Variants in NAALADL2 observed in about 807,000 individuals in gnomAD.
NAALADL2 encodes inactive N-acetylated-alpha-linked acidic dipeptidase-like protein 2.
In NAALADL2, 76 loss-of-function variants were observed where a neutral mutation model predicts 87.2. The observed-to-expected ratio is 0.87, with a 90% confidence interval of 0.72 to 1.05. The LOEUF (loss-of-function observed/expected upper bound fraction) is 1.05. Among genes scored for constraint, NAALADL2 ranks in the 50% least tolerant of loss-of-function variants. The probability of loss-of-function intolerance (pLI) is 0.00; values close to 1 mark genes in which losing one functional copy is unlikely to be tolerated. For missense variants in NAALADL2, 1,089 were observed against 945.8 expected (o/e 1.15, Z -1.99); for synonymous variants, 354 against 331.0 (o/e 1.07, Z -0.75).
intron 3 of NAALADL2, among the ~76,000 whole-genome samples, chr3:174,796,399 C>T (rs1047329954): frequency 2.0e-5 from 3 of 152,044 alleles, no homozygotes; most frequent in Non-Finnish European, 4.4e-5. Flanking sequence ...TCTGAGTCTC[C>T]AGTGCCTATG....
At chr3:175,360,161 T>C (rs1353157823) in intron 5 of NAALADL2, among the ~76,000 whole-genome samples, 1 of 152,158 alleles carries the variant, frequency 6.6e-6, no homozygotes, top group African/African-American at 2.4e-5. Flanking sequence ...TGTATGACTA[T>C]GTAAAGCATT....
At chr3:175,281,399 A>G (rs552226621) in intron 4 of NAALADL2, among the ~76,000 whole-genome samples, 2 of 151,922 alleles carry the variant, frequency 1.3e-5, no homozygotes, top group South Asian at 2.1e-4. Flanking sequence ...TCACTTTTTC[A>G]TATCATTCGT....
At chr3:175,667,141 A>AAGAG (rs370119641) in intron 11 of NAALADL2, among the ~76,000 whole-genome samples, 2,670 of 146,264 alleles carry the variant, frequency 0.018, 117 homozygotes, top group African/African-American at 0.067. Flanking sequence ...GAAAGAAAGA[A>AAGAG]AGAGAGAGAG....
At chr3:175,115,197 T>C (rs1160689464) in intron 2 of NAALADL2, 1 of 151,666 alleles carries the variant, frequency 6.6e-6, no homozygotes, top group Non-Finnish European at 1.5e-5. Context: ...CTCCTAGATA[T>C]ATAATTTTTG....
chr3:175,675,216 A>C (rs1173651808), intron 11 of NAALADL2: 1 of 152,194 alleles, frequency 6.6e-6, no homozygotes, highest in African/African-American at 2.4e-5. Context: ...TATCATTACC[A>C]TTCCGGTAAG....
At chr3:174,950,261 G>C (rs1035663006) in intron 1 of NAALADL2, among the ~76,000 whole-genome samples, 1 of 151,878 alleles carries the variant, frequency 6.6e-6, no homozygotes, top group Non-Finnish European at 1.5e-5. Flanking sequence ...TGAATTGAGA[G>C]TAGGGAGTAG....
chr3:174,872,733 TACACACAC>T (rs140990241), intron 1 of NAALADL2, among the ~76,000 whole-genome samples: 1 of 148,434 alleles, frequency 6.7e-6, no homozygotes, highest in Non-Finnish European at 1.5e-5. Flanking sequence ...CACACACACA[TACACACAC>T]ACACACACAC....
chr3:175,436,386 A>C lies in NAALADL2; in HGVS notation c.1091-10843A>C, dbSNP rs987806570. Among the ~76,000 whole-genome samples the C allele has an allele frequency of 2.7e-4, 40 of 149,112 alleles. 4 individuals carry two copies. Among genetic ancestry groups the C allele is most frequent in the Admixed American group, 1.2e-3 (18 of 14,664 alleles). Reference sequence around the variant, plus strand: ...TACCCACTAATGGGATGGCTGGGTCAAATGGTATTTCTAGTTCTAGATCCC... The same window carrying C: ...TACCCACTAATGGGATGGCTGGGTCCAATGGTATTTCTAGTTCTAGATCCC... On this transcript the variant is annotated intron_variant, in intron 5 of 13. Transcript: ENST00000454872.
At chr3:175,705,558 A>G (rs1027225376) in intron 11 of NAALADL2, among the ~76,000 whole-genome samples, 20 of 152,160 alleles carry the variant, frequency 1.3e-4, no homozygotes, top group African/African-American at 4.3e-4. Context: ...GAAGAAGAAA[A>G]AAAAAAAACT....
chr3:175,413,525 G>T (rs1296984037), intron 5 of NAALADL2, among the ~76,000 whole-genome samples: 1 of 140,240 alleles, frequency 7.1e-6, no homozygotes, highest in African/African-American at 2.7e-5. Context: ...AGCTGAGATT[G>T]CGCCAAAGCA....
chr3:174,488,843 G>T (rs1374776249), intron 1 of NAALADL2, among the ~76,000 whole-genome samples: 8 of 151,738 alleles, frequency 5.3e-5, no homozygotes, highest in Admixed American at 3.9e-4. Context: ...CTAACCTTTG[G>T]AAGCTACTCC....
chr3:174,871,887 A>C lies in NAALADL2; in HGVS notation c.43+12437A>C, dbSNP rs1303451397. Among the ~76,000 whole-genome samples, 7 of 151,204 alleles carry C rather than the reference A, an allele frequency of 4.6e-5. No homozygotes were observed. In the East Asian group the frequency reaches 7.7e-4, roughly 17 times the overall value. On this transcript the variant is annotated intron_variant, in intron 1 of 13. Transcript: ENST00000454872. ...GTACTCCAGCCGGGGTGACAGAACC[A>C]GACTCTGTTTCAAAATAAATAAATA...
intron 9 of NAALADL2, among the ~76,000 whole-genome samples, chr3:175,549,270 A>C (rs150393274): frequency 3.9e-4 from 59 of 152,134 alleles, no homozygotes; most frequent in African/African-American, 1.2e-3. Context: ...AATGGAAACC[A>C]AAAAAATTGG....
chr3:174,763,284 G>A (rs1321804566), intron 3 of NAALADL2, among the ~76,000 whole-genome samples: 1 of 151,830 alleles, frequency 6.6e-6, no homozygotes, highest in Non-Finnish European at 1.5e-5. Flanking sequence ...TACTGAAGAA[G>A]ATTATTCAGA....
intron 1 of NAALADL2, among the ~76,000 whole-genome samples, chr3:174,985,191 A>T (rs879656134): frequency 6.6e-6 from 1 of 152,224 alleles, no homozygotes; most frequent in Non-Finnish European, 1.5e-5. Flanking sequence ...ATGCTAAATA[A>T]TATTATGAGA....
intron 2 of NAALADL2, among the ~76,000 whole-genome samples, chr3:174,625,057 CT>C (rs1553802468): frequency 0.01 from 810 of 78,850 alleles, 8 homozygotes; most frequent in African/African-American, 0.034. Flanking sequence ...CTCTCTCTCT[CT>C]TTTTTTTTTT....
chr3:174,883,751 A>G (rs1729719191), intron 1 of NAALADL2, among the ~76,000 whole-genome samples: 1 of 152,106 alleles, frequency 6.6e-6, no homozygotes, highest in Non-Finnish European at 1.5e-5. Context: ...CAAGCACCTC[A>G]GCAGGTTGTG....
intron 4 of NAALADL2, among the ~76,000 whole-genome samples, chr3:175,279,781 TGTGTGA>T (rs146447330): frequency 0.098 from 12,548 of 127,784 alleles, 984 homozygotes; most frequent in East Asian, 0.41. Flanking sequence ...CTCTGCATAG[TGTGTGA>T]GTGTGTGTGT....
At chr3:174,787,601 A>ATATATATATATATG (rs1716920314) in intron 3 of NAALADL2, among the ~76,000 whole-genome samples, 3 of 91,208 alleles carry the variant, frequency 3.3e-5, no homozygotes, top group African/African-American at 1.2e-4. Context: ...ATATATATAT[A>ATATATATATATATG]TATATATATA....
Sources: gnomAD v4.1 joint callset for allele counts (sites outside exome capture counted in the v4.1 genomes callset) on GRCh38, gnomAD v4.1.1 for gene constraint, MANE v1.5 for transcripts, NCBI Gene and HGNC (gene_info 2026-07-23, HGNC 2026-07-21) for gene names.